Variants in AK8 observed in about 807,000 individuals in gnomAD.
The protein encoded by AK8 is ATP-AMP transphosphorylase 8.
A neutral mutation model predicts 54.6 loss-of-function variants in AK8; 44 were observed. That is an observed-to-expected ratio of 0.81 (90% CI 0.63 to 1.04). The LOEUF is 1.04. Ranked by LOEUF, AK8 falls within the 50% of genes least tolerant of loss-of-function variation. The pLI, the probability that AK8 is intolerant of heterozygous loss-of-function variation, is 0.00. For missense variants in AK8, 555 were observed against 613.6 expected, an observed-to-expected ratio of 0.90 and a Z score of 1.01; for synonymous variants, 239 against 245.6, an observed-to-expected ratio of 0.97 and a Z score of 0.25.
intron 4 of AK8, 77 bp from the exon 5 acceptor site, chr9:132,855,002 T>C (rs2131385668): frequency 1.4e-6 from 2 of 1,476,426 alleles, no homozygotes; most frequent in East Asian, 2.3e-5. Flanking sequence ...GCACACACCC[T>C]TCACCAACGC....
chr9:132,836,903 C>T (rs750970404), intron 5 of AK8, among the ~76,000 whole-genome samples: 1 of 152,202 alleles, frequency 6.6e-6, no homozygotes, highest in Non-Finnish European at 1.5e-5. Context: ...TTACAGGCAA[C>T]GATGTACCTA....
rs1841905020 is a variant in AK8 at position 132,827,102 on chromosome 9, G to C, written c.557-48C>G. 3 of 1,580,876 alleles carry C rather than the reference G, an allele frequency of 1.9e-6. No homozygotes were observed. The South Asian group carries it at 3.3e-5, about 18-fold the overall frequency. On this transcript the variant is annotated intron_variant, in intron 7 of 12. Transcript: ENST00000298545. Reference sequence around the variant, plus strand: ...TTAGAAATGGCCATGCAGGGGCCCTGTGGGCGCTGCTGTGCCTGGCTGGGG... The same window carrying C: ...TTAGAAATGGCCATGCAGGGGCCCTCTGGGCGCTGCTGTGCCTGGCTGGGG...
intron 10 of AK8, among the ~76,000 whole-genome samples, chr9:132,798,287 C>T (rs1234955395): frequency 1.3e-5 from 2 of 152,302 alleles, no homozygotes; most frequent in African/African-American, 2.4e-5. Context: ...CTCTGAGGCT[C>T]GGTGTCTGTT....
At chr9:132,817,368 G>A (rs1399928758) in intron 9 of AK8, among the ~76,000 whole-genome samples, 1 of 152,192 alleles carries the variant, frequency 6.6e-6, no homozygotes, top group Non-Finnish European at 1.5e-5. Flanking sequence ...AGGAAAATGT[G>A]ACTCCTATGA....
intron 11 of AK8, among the ~76,000 whole-genome samples, chr9:132,780,588 T>C (rs1839421910): frequency 6.6e-6 from 1 of 152,200 alleles, no homozygotes; most frequent in Non-Finnish European, 1.5e-5. Flanking sequence ...CACATACCCA[T>C]CTTATTTAAA....
chr9:132,827,896 T>C (rs967753442), intron 7 of AK8, 117 bp downstream of exon 7: 54 of 1,010,682 alleles, frequency 5.3e-5, no homozygotes, highest in Middle Eastern at 2.8e-4. Flanking sequence ...GCAGCCTTCC[T>C]CGTGTCCCTC....
At chr9:132,810,515 C>T (rs1457781021) in intron 10 of AK8, among the ~76,000 whole-genome samples, 3 of 152,068 alleles carry the variant, frequency 2.0e-5, no homozygotes, top group Non-Finnish European at 4.4e-5. Context: ...TTCTGTCTCT[C>T]GAAGAGGAAG....
In AK8 at chr9:132,803,827, C is replaced by T. The variant is rs116611760; in HGVS notation, c.979+10811G>A. On this transcript the variant is annotated intron_variant, in intron 10 of 12. Transcript: ENST00000298545. The surrounding 1 kb of genome is among the most constrained non-coding windows in gnomAD (Gnocchi z 4.4). ...TCTTTGTTCCTTCAAGACTAATTCT[C>T]TGGGCCGGGCATGGTGGTTCACGCC... 0.022 allele frequency among the ~76,000 whole-genome samples: 3,365 copies of T among 152,194 alleles called. 126 individuals carry two copies. The highest frequency in any genetic ancestry group is 0.077 in the African/African-American group (3,196 of 41,518).
intron 9 of AK8, among the ~76,000 whole-genome samples, chr9:132,818,025 A>G (rs1372285973): frequency 3.9e-5 from 6 of 152,244 alleles, no homozygotes; most frequent in Non-Finnish European, 7.3e-5. Flanking sequence ...CTGAGATTTC[A>G]TCAGAAGAAG....
At chr9:132,805,812 C>T (rs1243243469) in intron 10 of AK8, among the ~76,000 whole-genome samples, 1 of 152,050 alleles carries the variant, frequency 6.6e-6, no homozygotes, top group Admixed American at 6.5e-5. Context: ...GAAAAAGACT[C>T]CTACCTAGTT....
At chr9:132,825,713 GAGA>G (rs1370615056) in intron 8 of AK8, among the ~76,000 whole-genome samples, 2 of 152,214 alleles carry the variant, frequency 1.3e-5, no homozygotes, top group African/African-American at 4.8e-5. Context: ...CTACCAGCAG[GAGA>G]AGGTGCTGGG....
intron 11 of AK8, among the ~76,000 whole-genome samples, chr9:132,786,033 C>T (rs1455594546): frequency 3.3e-5 from 5 of 152,214 alleles, no homozygotes; most frequent in Admixed American, 1.3e-4. Context: ...ACAAAGGTTT[C>T]GATGCTGGAA....
At chr9:132,796,120 G>A (rs73661816) in intron 10 of AK8, among the ~76,000 whole-genome samples, 1,663 of 152,188 alleles carry the variant, frequency 0.011, 22 homozygotes, top group African/African-American at 0.037. Flanking sequence ...TAAGTGACCC[G>A]CCCAAGGTCA....
chr9:132,788,257 A>G (rs1045902441), intron 11 of AK8, among the ~76,000 whole-genome samples: 2 of 152,240 alleles, frequency 1.3e-5, no homozygotes, highest in Non-Finnish European at 2.9e-5. Context: ...GATTCCTTAA[A>G]GCAGGTTTCC....
Position 132,826,744 on chromosome 9 carries a change from G to T in AK8, c.757+110C>A. The stretch of plus-strand genomic sequence containing the variant: ...TATGTCTTGACTTCCAGGGTCCCAG[G>T]CATGTCCCAGACACTGGCCACTACC... On this transcript the variant is annotated intron_variant, in intron 8 of 12. Transcript: ENST00000298545. This position sits in a 1 kb window ranked among gnomAD's most constrained non-coding sequence, Gnocchi z 4.5. 1.6e-6 allele frequency: 2 copies of T among 1,260,558 alleles called. No individual in the cohort carries two copies. The highest frequency in any genetic ancestry group is 1.4e-5 in the South Asian group (1 of 73,974). 78.1% of individuals were successfully genotyped at this position (1,260,558 alleles called of 1,614,324 possible). A position where few individuals can be genotyped will look rare whatever the true frequency, so the allele number is the denominator to read the frequency against.
At chr9:132,777,048 C>T (rs1001468951) in intron 11 of AK8, among the ~76,000 whole-genome samples, 2 of 152,062 alleles carry the variant, frequency 1.3e-5, no homozygotes, top group Admixed American at 6.5e-5. Context: ...CCTCCTGCCC[C>T]GCGTGTCACC....
intron 4 of AK8, among the ~76,000 whole-genome samples, chr9:132,859,672 G>T (rs1391486490): frequency 6.6e-6 from 1 of 151,376 alleles, no homozygotes; most frequent in African/African-American, 2.4e-5. Flanking sequence ...CTCGACCCGG[G>T]TCTTCCTCAC....
intron 11 of AK8, among the ~76,000 whole-genome samples, chr9:132,740,969 C>T (rs1436833074): frequency 2.0e-5 from 3 of 152,152 alleles, no homozygotes; most frequent in East Asian, 3.9e-4. Context: ...GCCTGGGGGT[C>T]CTATCCCCAG....
intron 11 of AK8, among the ~76,000 whole-genome samples, chr9:132,736,146 T>C (rs958115409): frequency 1.1e-4 from 16 of 151,774 alleles, no homozygotes; most frequent in Non-Finnish European, 1.8e-4. Context: ...AATGTCGTTA[T>C]GCAGTGCATG....
Sources: gnomAD v4.1 joint callset for allele counts (sites outside exome capture counted in the v4.1 genomes callset) on GRCh38, gnomAD v4.1.1 for gene constraint, Gnocchi (gnomAD v3.1) non-coding constraint, MANE v1.5 for transcripts, NCBI Gene and HGNC (gene_info 2026-07-23, HGNC 2026-07-21) for gene names.